SBF1: variants seen among roughly 807,000 people sequenced by gnomAD.
SBF1 encodes myotubularin-related protein 5.
Under a neutral mutation model 215.8 loss-of-function variants are expected in SBF1, and 65 were observed. The ratio of observed to expected loss-of-function variants is 0.30; its 90% confidence interval spans 0.25 to 0.37. The LOEUF is 0.37. Ranked by LOEUF, SBF1 falls within the 10% of genes least tolerant of loss-of-function variation. The pLI is 1.00. For synonymous variants in SBF1, 1,410 were observed against 1,122.8 expected, an observed-to-expected ratio of 1.26 and a Z score of -5.11; for missense variants, 2,634 against 2,667.8, an observed-to-expected ratio of 0.99 and a Z score of 0.28.
At position 50,464,282 on chromosome 22, in the gene SBF1, T is replaced by C. The variant is rs775699314; in HGVS notation, c.1749+47A>G. 2.3e-5 allele frequency: 34 copies of C among 1,504,880 alleles called. No homozygotes were observed. The Middle Eastern group carries it at 5.4e-4, about 24-fold the overall frequency. The allele number at this position is 1,504,880 out of a possible 1,614,324, so 93.2% of individuals were successfully genotyped here. A position where few individuals can be genotyped will look rare whatever the true frequency, so the allele number is the denominator to read the frequency against. ...AGGGTGAAGTGCAGCCTGGGTCTCC[T>C]CTGAAACCCGCTGCCCTGGCCCGGC... On this transcript the variant is annotated intron_variant, in intron 15 of 40. Transcript: ENST00000380817.
At chr22:50,474,729 G>T in intron 1 of SBF1, 57 bp downstream of exon 1, 1 of 1,384,678 alleles carries the variant, frequency 7.2e-7, no homozygotes, top group Non-Finnish European at 9.5e-7. Context: ...CCCAGCCCCT[G>T]GCCCTCAGCA....
intron 1 of SBF1, among the ~76,000 whole-genome samples, chr22:50,469,117 G>A (rs1202586559): frequency 6.6e-6 from 1 of 152,190 alleles, no homozygotes; most frequent in Non-Finnish European, 1.5e-5. Flanking sequence ...AGCTAGACGG[G>A]AAGGATGGAG....
In SBF1 at chr22:50,467,418, C is replaced by T. The variant is rs755286062; in HGVS notation, c.469G>A (p.Val157Met). ...TCCAGGCACACATTCAGGCCCTCCA[C>T]GTGGATGGCATAGATGAGGCCAAGG... ...NSLGLIYAIH[V>M]EGLNVCLENV... Residue 157 changes from valine (V) to methionine (M), a missense_variant, in exon 5 of 41, where the codon GTG (valine) becomes ATG (methionine). Coordinates refer to ENST00000380817, the MANE Select transcript of SBF1 (RefSeq NM_002972.4). The T allele has an allele frequency of 1.7e-5, 27 of 1,614,194 alleles. No homozygotes were observed. The highest frequency in any genetic ancestry group is 2.2e-5 in the South Asian group (2 of 91,088).
In SBF1 at chr22:50,460,579, G is replaced by A. The variant is rs1603432468; in HGVS notation, c.3101C>T (p.Pro1034Leu). 3.1e-6 allele frequency: 5 copies of A among 1,614,128 alleles called. No individual in the cohort carries two copies. In the East Asian group the frequency reaches 6.7e-5, roughly 22 times the overall value. Residue 1034 changes from proline (P) to leucine (L), a missense_variant, in exon 24 of 41, where the codon CCT becomes CTT. Transcript: ENST00000380817. The part of the protein sequence containing the change: ...FAFTLGSAHT[P>L]GRPPRVTKDK... ...CTTGGTGACTCGCGGTGGCCGGCCA[G>A]GTGTGTGGGCAGAGCCCAAGGTGAA...
chr22:50,467,056 C>G (rs2067795751), intron 5 of SBF1: 1 of 581,722 alleles, frequency 1.7e-6, no homozygotes, highest in African/African-American at 1.9e-5. Flanking sequence ...CACACCCAGG[C>G]ACAGGGCAGG....
rs779291823 is a variant in SBF1, at chr22:50,463,477, C to A, written c.1750-45G>T. On this transcript the variant is annotated intron_variant, in intron 15 of 40. Transcript: ENST00000380817. ...ACACGGGCTGAGGGCACAGAGAAGA[C>A]CCACTCGGGGCCCTGGCAGGGAGGG... The A allele has an allele frequency of 8.6e-6, 13 of 1,505,968 alleles. No homozygotes were observed. The African/African-American group carries it at 1.5e-4, about 18-fold the overall frequency. 93.3% of individuals were successfully genotyped at this position (1,505,968 alleles called of 1,614,324 possible).
In SBF1 at chr22:50,460,115, G is replaced by A; in HGVS notation, c.3328C>T (p.Leu1110=). ...EPSTLTPSSA[L]KPSDRMTMSS... ...ATGGTCATGCGGTCGGAGGGCTTCA[G>A]GGCTGAGGACGGGGTCAGCGTGCTG... is the stretch of plus-strand genomic sequence containing the variant. Residue 1110 remains leucine, a synonymous_variant, in exon 26 of 41, where the codon CTG becomes TTG. Coordinates refer to ENST00000380817, the MANE Select transcript of SBF1 (RefSeq NM_002972.4). 6.2e-7 allele frequency: 1 copy of A among 1,613,280 alleles called. No homozygotes were observed.
At chr22:50,450,824 C>G (rs188479066) in intron 36 of SBF1, among the ~76,000 whole-genome samples, 1 of 152,160 alleles carries the variant, frequency 6.6e-6, no homozygotes, top group Admixed American at 6.5e-5. Flanking sequence ...AAAGACAACA[C>G]AGGCAGGGCA....
intron 28 of SBF1, among the ~76,000 whole-genome samples, chr22:50,458,830 C>T (rs1271439330): frequency 6.6e-6 from 1 of 152,130 alleles, no homozygotes; most frequent in Non-Finnish European, 1.5e-5. Context: ...CAAAGACAGT[C>T]TGGATTGGGG....
Position 50,446,356 on chromosome 22 carries a change from T to TCCCCCCCCCCC in SBF1, c.*775_*785dup, listed in dbSNP as rs781361309. On this transcript the variant is annotated 3_prime_UTR_variant, in exon 41 of 41. Coordinates refer to ENST00000380817, the MANE Select transcript of SBF1 (RefSeq NM_002972.4). ...CCTGCATTCCCCTGGGAGCCCACTGTCCCCCCCCCCCCCCCGCCTCCGGCC... is the reference window on the plus strand; with the variant it reads ...CCTGCATTCCCCTGGGAGCCCACTGTCCCCCCCCCCCCCCCCCCCCCCCCCCGCCTCCGGCC... The TCCCCCCCCCCC allele has an allele frequency of 2.9e-5, 1 of 35,046 alleles. No homozygotes were observed. The highest frequency in any genetic ancestry group is 1.3e-4 in the African/African-American group (1 of 7,644). 2.2% of individuals were successfully genotyped at this position (35,046 alleles called of 1,614,324 possible).
intron 38 of SBF1, 99 bp downstream of exon 38, chr22:50,448,134 C>A: frequency 6.7e-6 from 8 of 1,195,246 alleles, no homozygotes; most frequent in Non-Finnish European, 9.6e-6. Context: ...CTTAAGCAAG[C>A]TCCTCAAAAG....
Position 50,447,038 on chromosome 22 carries a change from A to G in SBF1, c.*104T>C. ...ACAAGTGCTGGGGGCTCGGGGCCTC[A>G]ATACTGTCGAGGGCCGGGGCTGTAA... On this transcript the variant is annotated 3_prime_UTR_variant, in exon 41 of 41. Transcript: ENST00000380817. 9.7e-7 allele frequency: 1 copy of G among 1,034,540 alleles called. No homozygotes were observed. Among genetic ancestry groups the G allele is most frequent in the African/African-American group, 1.6e-5 (1 of 63,096 alleles). The allele number at this position is 1,034,540 out of a possible 1,614,324, so 64.1% of individuals were successfully genotyped here.
rs750288489 is a variant in SBF1 at position 50,459,415 on chromosome 22, G to A, written c.3689-23C>T. The A allele has an allele frequency of 2.0e-5, 33 of 1,611,892 alleles. No homozygotes were observed. The South Asian group carries it at 3.5e-4, about 17-fold the overall frequency. On this transcript the variant is annotated intron_variant, in intron 27 of 40. Transcript: ENST00000380817. ...GGCCTGGGGGAGGACACGGAGCTGA[G>A]GGAGGGGAGGGTGAGATAGGGCAGG...
intron 30 of SBF1, 29 bp downstream of exon 30, chr22:50,456,463 T>TGGGGGGGGGGTGGCCC: frequency 1.9e-6 from 1 of 536,042 alleles, no homozygotes; most frequent in Non-Finnish European, 2.7e-6. Flanking sequence ...GCCCCCACCC[T>TGGGGGGGGGGTGGCCC]CACCCCCCAC....
At chr22:50,455,184 G>C (rs1197597790) in intron 33 of SBF1, 40 bp downstream of exon 33, 1 of 1,613,552 alleles carries the variant, frequency 6.2e-7, no homozygotes, top group Non-Finnish European at 8.5e-7. Flanking sequence ...CAGCGGTCAG[G>C]GTGCACAGTC....
rs757790698 is a variant in SBF1 at position 50,467,303 on chromosome 22, T to G, written c.549+35A>C. The stretch of plus-strand genomic sequence containing the variant: ...ACCAGGGCCCCAGCAGGAGGGCCTG[T>G]GGCTGTGCAGATACCAGCTGCCTCC... On this transcript the variant is annotated intron_variant, in intron 5 of 40. Transcript: ENST00000380817. 11 of 1,565,128 alleles carry G rather than the reference T, an allele frequency of 7.0e-6. No homozygotes were observed. In the South Asian group the frequency reaches 1.2e-4, roughly 18 times the overall value.
chr22:50,454,230 G>A (rs1350529035), intron 36 of SBF1, among the ~76,000 whole-genome samples: 4 of 152,200 alleles, frequency 2.6e-5, no homozygotes, highest in Admixed American at 2.0e-4. Context: ...GAAAACACAC[G>A]TGCTCAGAGT....
chr22:50,474,947 GACAC>G lies in SBF1; in HGVS notation c.-111_-108del. 1 of 764,482 alleles carries G rather than the reference GACAC, an allele frequency of 1.3e-6. No individual in the cohort carries two copies. The highest frequency in any genetic ancestry group is 1.7e-6 in the Non-Finnish European group (1 of 575,362). 47.4% of individuals were successfully genotyped at this position (764,482 alleles called of 1,614,324 possible). On this transcript the variant is annotated 5_prime_UTR_variant, in exon 1 of 41. An upstream open reading frame in the 5' UTR loses its in-frame stop. Transcript: ENST00000380817. ...CCCCGGCCCTGGACCGCGCACCCCG[GACAC>G]CCCTGGTTCGCTCCGCGGCGGCGGC...
chr22:50,453,314 G>A (rs994416713), intron 36 of SBF1, among the ~76,000 whole-genome samples: 1 of 152,206 alleles, frequency 6.6e-6, no homozygotes, highest in Non-Finnish European at 1.5e-5. Context: ...GAGAAAAAGG[G>A]ACTGCTGTCT....
Sources: gnomAD v4.1 joint callset for allele counts (sites outside exome capture counted in the v4.1 genomes callset) on GRCh38, gnomAD v4.1.1 for gene constraint, MANE v1.5 for transcripts, NCBI Gene and HGNC (gene_info 2026-07-23, HGNC 2026-07-21) for gene names.